ITIH5: variants seen among roughly 807,000 people sequenced by gnomAD.
ITIH5 encodes inter-alpha-trypsin inhibitor heavy chain H5.
A neutral mutation model predicts 77.5 loss-of-function variants in ITIH5; 65 were observed. The ratio of observed to expected loss-of-function variants is 0.84; its 90% CI spans 0.69 to 1.03. The LOEUF (loss-of-function observed/expected upper bound fraction) is 1.03. Ranked by LOEUF, ITIH5 falls within the 50% of genes least tolerant of loss-of-function variation. The pLI is 0.00. For missense variants in ITIH5, 1,208 were observed against 1,213.1 expected (o/e 1.00, Z 0.06); for synonymous variants, 525 against 494.3 (o/e 1.06, Z -0.82).
intron 5 of ITIH5, chr10:7,618,203 A>C (rs1351045405): frequency 1.3e-5 from 2 of 152,064 alleles, no homozygotes; most frequent in Admixed American, 1.3e-4. Context: ...TCCTAGGCTC[A>C]AGCCATCCTC....
intron 2 of ITIH5, among the ~76,000 whole-genome samples, chr10:7,655,225 C>A (rs980356920): frequency 6.6e-6 from 1 of 152,188 alleles, no homozygotes; most frequent in African/African-American, 2.4e-5. Context: ...TAGCCTCCAG[C>A]AGCATTGAGA....
rs1564278465 is a variant in ITIH5, at chr10:7,644,913, C to CATATATATATCACAT, written c.136-2838_136-2824dup. Among the ~76,000 whole-genome samples, 7 of 27,612 alleles carry CATATATATATCACAT rather than the reference C, an allele frequency of 2.5e-4. No individual in the cohort carries two copies. The South Asian group carries it at 4.2e-3, about 16-fold the overall frequency. 18.1% of individuals were successfully genotyped at this position (27,612 alleles called of 152,430 possible). ...ATATATATATCACATATATATATCA[C>CATATATATATCACAT]ATATATATATCACATATATATATCA... On this transcript the variant is annotated intron_variant, in intron 2 of 13. Transcript: ENST00000397146.
At chr10:7,629,896 A>G (rs1200801758) in intron 5 of ITIH5, among the ~76,000 whole-genome samples, 1 of 152,232 alleles carries the variant, frequency 6.6e-6, no homozygotes, top group Non-Finnish European at 1.5e-5. Flanking sequence ...CTAGTAACCT[A>G]GAAGGGTTTA....
chr10:7,643,983 G>C (rs1833928148), intron 2 of ITIH5, among the ~76,000 whole-genome samples: 1 of 152,216 alleles, frequency 6.6e-6, no homozygotes, highest in Non-Finnish European at 1.5e-5. Context: ...GCTCACACCT[G>C]TAGTCCCAGC....
chr10:7,568,013 T>C (rs1419707331), intron 12 of ITIH5, among the ~76,000 whole-genome samples: 1 of 152,212 alleles, frequency 6.6e-6, no homozygotes, highest in East Asian at 1.9e-4. Context: ...ACTCCTTTTT[T>C]TTCTTCATCA....
At chr10:7,663,788 G>C (rs1834317365) in intron 1 of ITIH5, among the ~76,000 whole-genome samples, 1 of 152,148 alleles carries the variant, frequency 6.6e-6, no homozygotes, top group Non-Finnish European at 1.5e-5. Context: ...AAGTGATGGG[G>C]TCCAGATATG....
At chr10:7,581,583 G>C (rs1486086865) in intron 8 of ITIH5, among the ~76,000 whole-genome samples, 3 of 152,000 alleles carry the variant, frequency 2.0e-5, no homozygotes, top group Non-Finnish European at 4.4e-5. Flanking sequence ...TTCTTGATCT[G>C]GGTCCAGGTT....
intron 10 of ITIH5, among the ~76,000 whole-genome samples, chr10:7,574,917 G>A (rs1326433009): frequency 6.6e-6 from 1 of 151,990 alleles, no homozygotes; most frequent in East Asian, 1.9e-4. Context: ...TGAAGCTGTG[G>A]AGATTTGCGC....
chr10:7,631,275 CA>C (rs1037199443), intron 5 of ITIH5, among the ~76,000 whole-genome samples: 3 of 152,084 alleles, frequency 2.0e-5, no homozygotes, highest in Admixed American at 2.0e-4. Flanking sequence ...TAACGGGCGG[CA>C]AAGTTTGGGA....
rs1480915197 is a variant in ITIH5 at position 7,559,840 on chromosome 10, T to C, written c.*3243A>G. On this transcript the variant is annotated 3_prime_UTR_variant, in exon 14 of 14. Transcript: ENST00000397146. The stretch of plus-strand genomic sequence containing the variant: ...GAGAGGAAAAACACCATCTCTCCCA[T>C]GTCTTTTTTTTGTTTTGTTTTGTTT... 4.4e-6 allele frequency: 2 copies of C among 451,376 alleles called. No homozygotes were observed. The highest frequency in any genetic ancestry group is 8.8e-6 in the Non-Finnish European group (2 of 226,224). 28.0% of individuals were successfully genotyped at this position (451,376 alleles called of 1,614,324 possible).
chr10:7,619,442 G>A lies in ITIH5; in HGVS notation c.653-2160C>T, dbSNP rs1177221787. On this transcript the variant is annotated intron_variant, in intron 5 of 13. Transcript: ENST00000397146. ...TATTGAAAAGATCAAGTGATGTCACGTACTTAGCACCATTTTCCAGTTCAC... is the reference window on the plus strand; with the variant it reads ...TATTGAAAAGATCAAGTGATGTCACATACTTAGCACCATTTTCCAGTTCAC... The A allele has an allele frequency of 1.9e-5, 3 of 160,840 alleles. No homozygotes were observed. The South Asian group carries it at 4.5e-4, about 24-fold the overall frequency. 10.0% of individuals were successfully genotyped at this position (160,840 alleles called of 1,614,324 possible). A position where few individuals can be genotyped will look rare whatever the true frequency, so the allele number is the denominator to read the frequency against.
At chr10:7,572,280 A>G (rs1363463271) in intron 11 of ITIH5, 1 of 1,361,236 alleles carries the variant, frequency 7.3e-7, no homozygotes, top group East Asian at 4.6e-5. Context: ...GACACAGCAG[A>G]ACAAAACCCA....
At chr10:7,649,886 T>C (rs2131098296) in intron 2 of ITIH5, among the ~76,000 whole-genome samples, 1 of 152,360 alleles carries the variant, frequency 6.6e-6, no homozygotes, top group Non-Finnish European at 1.5e-5. Context: ...AACAGTGGCC[T>C]CACTTTTTCC....
At chr10:7,565,280 T>C (rs11599605) in intron 13 of ITIH5, among the ~76,000 whole-genome samples, 1 of 143,314 alleles carries the variant, frequency 7.0e-6, no homozygotes, top group African/African-American at 2.5e-5. Context: ...TGTACATATA[T>C]ACACACACCA....
chr10:7,611,257 T>G (rs1280225454), intron 7 of ITIH5, among the ~76,000 whole-genome samples: 1 of 152,268 alleles, frequency 6.6e-6, no homozygotes, highest in Non-Finnish European at 1.5e-5. Context: ...ACTAAATTAT[T>G]TTAAAGATTA....
intron 13 of ITIH5, 38 bp from the exon 14 acceptor site, chr10:7,563,422 T>C (rs1832078201): frequency 1.9e-6 from 3 of 1,579,760 alleles, no homozygotes; most frequent in Non-Finnish European, 2.6e-6. Context: ...CTCAGTCAAA[T>C]GCAGAAACCT....
intron 7 of ITIH5, among the ~76,000 whole-genome samples, chr10:7,598,894 A>G (rs990404589): frequency 6.6e-6 from 1 of 152,240 alleles, no homozygotes; most frequent in Non-Finnish European, 1.5e-5. Context: ...CAATATAAAC[A>G]AAACTAATTC....
chr10:7,565,785 C>T (rs1564231301), intron 13 of ITIH5, among the ~76,000 whole-genome samples: 1 of 145,988 alleles, frequency 6.8e-6, no homozygotes, highest in East Asian at 2.0e-4. Flanking sequence ...TACATACAGA[C>T]TATATATAAT....
rs1832067741 is a variant in ITIH5, at chr10:7,563,026, C to A, written c.*57G>T. ...TGTACAAGCCATGAAAAGAGCTGCC[C>A]CACGGCCTCCCCACATCACTGTCCT... is the stretch of plus-strand genomic sequence containing the variant. On this transcript the variant is annotated 3_prime_UTR_variant, in exon 14 of 14. Coordinates refer to ENST00000397146, the MANE Select transcript of ITIH5 (RefSeq NM_030569.7). 2.6e-6 allele frequency: 4 copies of A among 1,510,548 alleles called. No homozygotes were observed. The highest frequency in any genetic ancestry group is 1.4e-5 in the African/African-American group (1 of 73,312). The allele number at this position is 1,510,548 out of a possible 1,614,324, so 93.6% of individuals were successfully genotyped here.
Sources: gnomAD v4.1 joint callset for allele counts (sites outside exome capture counted in the v4.1 genomes callset) on GRCh38, gnomAD v4.1.1 for gene constraint, MANE v1.5 for transcripts, NCBI Gene and HGNC (gene_info 2026-07-23, HGNC 2026-07-21) for gene names.